The following ZFHX3 variants were observed in gnomAD, a reference collection of about 807,000 sequenced individuals.
ZFHX3 encodes zinc finger homeobox protein 3.
ZFHX3 carries 42 observed loss-of-function variants against 279.1 expected under a neutral mutation model. That is an observed-to-expected ratio of 0.15 (90% confidence interval 0.12 to 0.19). The LOEUF (loss-of-function observed/expected upper bound fraction) is 0.19. ZFHX3 is among the 10% of genes least tolerant of loss of function. The pLI is 1.00. For synonymous variants in ZFHX3, 2,293 were observed against 1,957.8 expected (o/e 1.17, Z -4.52); for missense variants, 4,981 against 4,754.0 (o/e 1.05, Z -1.40).
At chr16:72,933,857 C>G (rs1457665671) in intron 3 of ZFHX3, among the ~76,000 whole-genome samples, 1 of 137,104 alleles carries the variant, frequency 7.3e-6, no homozygotes, top group Non-Finnish European at 1.5e-5. Context: ...CTCGCTCTGT[C>G]GCCCAGGCTG....
intron 1 of ZFHX3, among the ~76,000 whole-genome samples, chr16:73,889,394 T>C (rs1047076034): frequency 6.6e-6 from 1 of 152,136 alleles, no homozygotes; most frequent in Non-Finnish European, 1.5e-5. Context: ...AGACCCAGGC[T>C]AGAGTCAGCA....
intron 4 of ZFHX3, among the ~76,000 whole-genome samples, chr16:73,297,146 G>A (rs1027874493): frequency 2.0e-5 from 3 of 151,832 alleles, no homozygotes; most frequent in African/African-American, 7.3e-5. Flanking sequence ...CAAAGTGCTG[G>A]GATTACAGGC....
chr16:73,178,192 C>T (rs1967709481), intron 5 of ZFHX3, among the ~76,000 whole-genome samples: 1 of 151,882 alleles, frequency 6.6e-6, no homozygotes, highest in Non-Finnish European at 1.5e-5. Flanking sequence ...CTCCGGAGTA[C>T]AGTGGTGTGA....
chr16:72,823,775 G>C (rs2036861875), intron 5 of ZFHX3, among the ~76,000 whole-genome samples: 2 of 152,074 alleles, frequency 1.3e-5, no homozygotes, highest in South Asian at 4.1e-4. Context: ...GGTCCAACCT[G>C]CCACTTTACA....
chr16:73,705,657 C>T (rs916487806), intron 1 of ZFHX3, among the ~76,000 whole-genome samples: 7 of 152,198 alleles, frequency 4.6e-5, no homozygotes, highest in Admixed American at 2.6e-4. Context: ...CCCATACTCA[C>T]TGAGTTGCCC....
intron 4 of ZFHX3, among the ~76,000 whole-genome samples, chr16:73,284,189 C>T (rs911044652): frequency 5.3e-5 from 8 of 151,316 alleles, no homozygotes; most frequent in African/African-American, 9.7e-5. Flanking sequence ...CGGGGGCAGG[C>T]GCCTGTGATC....
chr16:73,600,349 T>C (rs2052098833), intron 2 of ZFHX3, among the ~76,000 whole-genome samples: 1 of 152,098 alleles, frequency 6.6e-6, no homozygotes, highest in Admixed American at 6.5e-5. Context: ...CCCCATTCTG[T>C]TGCTCCTTGT....
intron 2 of ZFHX3, among the ~76,000 whole-genome samples, chr16:73,507,821 A>G (rs1054019756): frequency 1.3e-5 from 2 of 152,070 alleles, no homozygotes; most frequent in African/African-American, 4.8e-5. Flanking sequence ...TTTACCTGGG[A>G]GATTACAGAC....
intron 4 of ZFHX3, among the ~76,000 whole-genome samples, chr16:72,881,009 A>G (rs1289126350): frequency 6.6e-6 from 1 of 152,252 alleles, no homozygotes; most frequent in East Asian, 1.9e-4. Context: ...TACCCTATCC[A>G]GGCTGGCGGG....
intron 3 of ZFHX3, among the ~76,000 whole-genome samples, chr16:72,928,201 C>A (rs561670172): frequency 0.11 from 671 of 6,376 alleles, 40 homozygotes; most frequent in Non-Finnish European, 0.14. Flanking sequence ...GGGAGGGGAG[C>A]GAGGGGGAGC....
At chr16:73,421,137 TG>T (rs1048258469) in intron 3 of ZFHX3, 27 of 140,426 alleles carry the variant, frequency 1.9e-4, no homozygotes, top group Admixed American at 1.5e-3. Flanking sequence ...AGAAGATGAT[TG>T]TTCAGCAAAT....
chr16:73,213,483 A>G (rs1034884808), intron 5 of ZFHX3, among the ~76,000 whole-genome samples: 7 of 152,240 alleles, frequency 4.6e-5, no homozygotes, highest in Non-Finnish European at 1.0e-4. Context: ...AGGTAACTTC[A>G]ATAGCATTTT....
intron 1 of ZFHX3, among the ~76,000 whole-genome samples, chr16:72,995,339 A>C (rs1963246794): frequency 6.6e-6 from 1 of 152,146 alleles, no homozygotes; most frequent in South Asian, 2.1e-4. Context: ...ACGGAACGGG[A>C]ACTGCAGATC....
At chr16:73,450,268 T>C (rs993388194) in intron 3 of ZFHX3, among the ~76,000 whole-genome samples, 8 of 152,224 alleles carry the variant, frequency 5.3e-5, no homozygotes, top group Admixed American at 3.9e-4. Flanking sequence ...TTTCTTAACC[T>C]CATTGAATCT....
chr16:73,285,082 A>G (rs950102578), intron 4 of ZFHX3, among the ~76,000 whole-genome samples: 4 of 152,190 alleles, frequency 2.6e-5, no homozygotes, highest in Admixed American at 2.0e-4. Flanking sequence ...TGCACTGTGT[A>G]AAAGAATTCT....
intron 3 of ZFHX3, among the ~76,000 whole-genome samples, chr16:72,942,847 A>G (rs892140441): frequency 2.6e-5 from 4 of 152,164 alleles, no homozygotes; most frequent in Non-Finnish European, 5.9e-5. Context: ...CTCATCCTGG[A>G]GAGTTCAATG....
At chr16:73,252,660 C>G (rs1348217669) in intron 5 of ZFHX3, among the ~76,000 whole-genome samples, 2 of 151,918 alleles carry the variant, frequency 1.3e-5, no homozygotes, top group African/African-American at 4.8e-5. Flanking sequence ...GCTGAGTGTT[C>G]GGTGAGAAAG....
At chr16:73,430,577 C>T (rs2017892626) in intron 3 of ZFHX3, among the ~76,000 whole-genome samples, 1 of 152,100 alleles carries the variant, frequency 6.6e-6, no homozygotes, top group South Asian at 2.1e-4. Flanking sequence ...CATTTTGGCT[C>T]AAGAGTTATA....
intron 4 of ZFHX3, among the ~76,000 whole-genome samples, chr16:73,291,356 A>G (rs1383301392): frequency 6.6e-6 from 1 of 152,188 alleles, no homozygotes; most frequent in Non-Finnish European, 1.5e-5. Flanking sequence ...CTGCCAGTGA[A>G]AAAAAGCTCT....
Sources: gnomAD v4.1 joint callset for allele counts (sites outside exome capture counted in the v4.1 genomes callset) on GRCh38, gnomAD v4.1.1 for gene constraint, MANE v1.5 for transcripts, NCBI Gene and HGNC (gene_info 2026-07-23, HGNC 2026-07-21) for gene names.